RERE: variants seen among roughly 807,000 people sequenced by gnomAD.
The protein encoded by RERE is arginine-glutamic acid dipeptide repeats, also known as arginine-glutamic acid dipeptide repeats protein.
Under a neutral mutation model 146.1 loss-of-function variants are expected in RERE, and 40 were observed. The observed-to-expected ratio is 0.27, with a 90% CI of 0.21 to 0.36. RERE has a LOEUF of 0.36. RERE is among the 10% of genes least tolerant of loss of function. RERE has a pLI of 1.00. For synonymous variants in RERE, 1,003 were observed against 866.0 expected (o/e 1.16, Z -2.78); for missense variants, 1,933 against 2,138.7 (o/e 0.90, Z 1.90).
intron 1 of RERE, among the ~76,000 whole-genome samples, chr1:8,799,949 G>A (rs1306705398): frequency 6.6e-6 from 1 of 151,942 alleles, no homozygotes; most frequent in Non-Finnish European, 1.5e-5. Context: ...AAGTAGTTGG[G>A]ATTACAGGAA....
chr1:8,407,742 C>A (rs1051301750), intron 12 of RERE, among the ~76,000 whole-genome samples: 1 of 152,062 alleles, frequency 6.6e-6, no homozygotes, highest in Non-Finnish European at 1.5e-5. Flanking sequence ...ATGGCAAGGG[C>A]GAAAGAGCTA....
chr1:8,443,072 G>T (rs1644271092), intron 11 of RERE, among the ~76,000 whole-genome samples: 1 of 152,188 alleles, frequency 6.6e-6, no homozygotes, highest in Non-Finnish European at 1.5e-5. Flanking sequence ...ACTCAAATGT[G>T]GGGACAAAGA....
intron 1 of RERE, among the ~76,000 whole-genome samples, chr1:8,712,692 G>T (rs1462412959): frequency 6.6e-6 from 1 of 151,852 alleles, no homozygotes; most frequent in African/African-American, 2.4e-5. Flanking sequence ...GCCTAGCAAA[G>T]ATCAGACATG....
Position 8,362,685 on chromosome 1 carries a change from T to C in RERE, c.1900A>G (p.Lys634Glu), listed in dbSNP as rs1641632934. The C allele has an allele frequency of 6.2e-7, 1 of 1,614,106 alleles. No individual in the cohort carries two copies. The highest frequency in any genetic ancestry group is 2.2e-5 in the East Asian group (1 of 44,894). ...CTACTATCCCCCCAGCACCTGACCT[T>C]GGCCGACTTCTTCACTGTCTCTGCT... ...SKAETVKKSA[K>E]KVKEEASSPL... is the part of the protein sequence containing the mutation. Residue 634 changes from lysine to glutamate, a missense_variant and splice_region_variant, in exon 16 of 23, where the codon AAG becomes GAG. Lys to Glu is a moderately conservative substitution (Grantham distance 56, BLOSUM62 1). Transcript: ENST00000400908.
intron 22 of RERE, 127 bp from the exon 23 acceptor site, chr1:8,355,247 G>T: frequency 8.5e-7 from 1 of 1,172,210 alleles, no homozygotes; most frequent in Non-Finnish European, 1.3e-6. Flanking sequence ...CTGTGTAGCT[G>T]ACCTACCCTC....
rs1641526913 is a variant in RERE at position 8,798,606 on chromosome 1, T to C, written c.-145+18554A>G. 1.4e-5 allele frequency: 3 copies of C among 220,826 alleles called. No homozygotes were observed. The South Asian group carries it at 2.4e-4, about 18-fold the overall frequency. 13.7% of individuals were successfully genotyped at this position (220,826 alleles called of 1,614,324 possible). A position where few individuals can be genotyped will look rare whatever the true frequency, so the allele number is the denominator to read the frequency against. On this transcript the variant is annotated intron_variant, in intron 1 of 22. Transcript: ENST00000400908. ...TCAGATCGCCCTTACAGCCATGCTC[T>C]GGTGGCTGGATTTGACCACTATCCC...
chr1:8,710,430 A>G (rs958611896), intron 1 of RERE, among the ~76,000 whole-genome samples: 1 of 152,276 alleles, frequency 6.6e-6, no homozygotes. Flanking sequence ...TTAAAGTGAA[A>G]TAACATAGGT....
intron 4 of RERE, among the ~76,000 whole-genome samples, chr1:8,586,871 G>A (rs939700154): frequency 2.0e-5 from 3 of 152,118 alleles, no homozygotes; most frequent in African/African-American, 4.8e-5. Context: ...AGGAAGAATA[G>A]CTGCTTAACA....
chr1:8,764,234 CTCA>C (rs1486501997), intron 1 of RERE, among the ~76,000 whole-genome samples: 1 of 152,108 alleles, frequency 6.6e-6, no homozygotes, highest in Non-Finnish European at 1.5e-5. Flanking sequence ...TGGGTTTTGC[CTCA>C]TCTATGACTC....
chr1:8,803,679 C>T (rs186500116), intron 1 of RERE, among the ~76,000 whole-genome samples: 1 of 152,054 alleles, frequency 6.6e-6, no homozygotes. Context: ...TCTCCCCCCT[C>T]AGCATCGCGA....
At chr1:8,721,199 C>T (rs1267658395) in intron 1 of RERE, among the ~76,000 whole-genome samples, 2 of 152,222 alleles carry the variant, frequency 1.3e-5, no homozygotes, top group Admixed American at 1.3e-4. Context: ...CAGAGGTCTG[C>T]TTCCCCAAGC....
chr1:8,747,876 G>C (rs1294999438), intron 1 of RERE, among the ~76,000 whole-genome samples: 1 of 152,108 alleles, frequency 6.6e-6, no homozygotes, highest in East Asian at 1.9e-4. Context: ...CCGGGTTCAA[G>C]TAATTCTCCT....
chr1:8,517,476 G>A (rs1015991836), intron 7 of RERE, among the ~76,000 whole-genome samples: 2 of 152,060 alleles, frequency 1.3e-5, no homozygotes, highest in Non-Finnish European at 1.5e-5. Context: ...TACAAAAACC[G>A]AATTAAGAAG....
chr1:8,439,517 A>C (rs569935450), intron 11 of RERE, among the ~76,000 whole-genome samples: 1 of 152,346 alleles, frequency 6.6e-6, no homozygotes, highest in South Asian at 2.1e-4. Context: ...ATAACTACGA[A>C]GCTAGAGGTC....
intron 4 of RERE, among the ~76,000 whole-genome samples, chr1:8,584,464 A>C (rs7549914): frequency 6.6e-6 from 1 of 152,078 alleles, no homozygotes; most frequent in East Asian, 1.9e-4. Context: ...GGAAAATCAC[A>C]TAAGCACAGG....
At chr1:8,747,797 A>G (rs1439549578) in intron 1 of RERE, among the ~76,000 whole-genome samples, 3 of 152,000 alleles carry the variant, frequency 2.0e-5, no homozygotes, top group African/African-American at 7.3e-5. Flanking sequence ...TTTGAGACAG[A>G]GCTTTGCTCT....
rs186059643 is a variant in RERE at position 8,691,557 on chromosome 1, G to C, written c.-144-35116C>G. 6.5e-4 allele frequency among the ~76,000 whole-genome samples: 99 copies of C among 152,312 alleles called. 1 individual carries two copies. The East Asian group carries it at 0.013, about 20-fold the overall frequency. On this transcript the variant is annotated intron_variant, in intron 1 of 22. Transcript: ENST00000400908. ...ACCAGAATAGGAGTTCTTAATGAGAGGGTTCATGGATAGGCTTCAAAGGCT... is the reference window on the plus strand; with the variant it reads ...ACCAGAATAGGAGTTCTTAATGAGACGGTTCATGGATAGGCTTCAAAGGCT...
intron 1 of RERE, among the ~76,000 whole-genome samples, chr1:8,812,758 C>T (rs1055323033): frequency 5.3e-5 from 8 of 152,156 alleles, no homozygotes; most frequent in African/African-American, 1.7e-4. Context: ...ACACACAGTA[C>T]ATCTTATATT....
intron 11 of RERE, 140 bp from the exon 12 acceptor site, chr1:8,422,947 T>A: frequency 1.5e-6 from 1 of 654,026 alleles, no homozygotes; most frequent in Admixed American, 2.4e-5. Flanking sequence ...TCGGAGAGTA[T>A]GTCAGCAGCT....
Sources: gnomAD v4.1 joint callset for allele counts (sites outside exome capture counted in the v4.1 genomes callset) on GRCh38, gnomAD v4.1.1 for gene constraint, MANE v1.5 for transcripts, NCBI Gene and HGNC (gene_info 2026-07-23, HGNC 2026-07-21) for gene names.